CALN1: variants seen among roughly 807,000 people sequenced by gnomAD.
CALN1 encodes calcium-binding protein 8.
A neutral mutation model predicts 30.6 loss-of-function variants in CALN1; 17 were observed. The observed-to-expected ratio is 0.56, with a 90% CI of 0.38 to 0.83. The LOEUF (loss-of-function observed/expected upper bound fraction) is 0.83. Ranked by LOEUF, CALN1 falls within the 40% of genes least tolerant of loss-of-function variation. The pLI is 0.00. For missense variants in CALN1, 291 were observed against 354.9 expected (o/e 0.82, Z 1.45); for synonymous variants, 156 against 131.4 (o/e 1.19, Z -1.28).
intron 5 of CALN1, among the ~76,000 whole-genome samples, chr7:71,826,668 C>G (rs1189414419): frequency 1.3e-5 from 2 of 152,150 alleles, no homozygotes; most frequent in Non-Finnish European, 2.9e-5. Flanking sequence ...GCCTGCCCGG[C>G]ATCAGATGAA....
intron 2 of CALN1, among the ~76,000 whole-genome samples, chr7:72,316,392 A>C (rs985821484): frequency 5.9e-5 from 9 of 151,896 alleles, no homozygotes; most frequent in African/African-American, 2.2e-4. Flanking sequence ...TAACACAGAA[A>C]CATTCACAGG....
intron 4 of CALN1, among the ~76,000 whole-genome samples, chr7:72,068,722 C>T (rs1321628747): frequency 6.6e-6 from 1 of 152,256 alleles, no homozygotes; most frequent in South Asian, 2.1e-4. Context: ...AACTCCTGGC[C>T]TCAAGTGATC....
intron 3 of CALN1, among the ~76,000 whole-genome samples, chr7:72,276,432 A>C (rs1453274933): frequency 6.6e-6 from 1 of 152,208 alleles, no homozygotes; most frequent in African/African-American, 2.4e-5. Context: ...TGTCATTAAG[A>C]AGTGAGGTCT....
intron 3 of CALN1, among the ~76,000 whole-genome samples, chr7:72,132,474 G>C (rs10260420): frequency 0.24 from 36,197 of 151,978 alleles, 5,288 homozygotes; most frequent in East Asian, 0.67. Flanking sequence ...GGGACCATTT[G>C]AAGTTAGTTC....
At chr7:72,188,605 ACTG>A (rs1562709517) in intron 3 of CALN1, among the ~76,000 whole-genome samples, 2 of 152,160 alleles carry the variant, frequency 1.3e-5, no homozygotes, top group Admixed American at 6.5e-5. Flanking sequence ...TTCAGTGTAC[ACTG>A]CTCAGGTGAT....
the CALN1 span, among the ~76,000 whole-genome samples, chr7:72,475,419 A>G: frequency 6.6e-6 from 1 of 152,146 alleles, no homozygotes; most frequent in Non-Finnish European, 1.5e-5. Context: ...AGATCGCGCC[A>G]CTGCACTCCG....
chr7:72,134,908 G>C (rs1304329152), intron 3 of CALN1, among the ~76,000 whole-genome samples: 1 of 152,186 alleles, frequency 6.6e-6, no homozygotes, highest in Non-Finnish European at 1.5e-5. Flanking sequence ...ATTATGTAAA[G>C]AATATGCTGA....
intron 4 of CALN1, among the ~76,000 whole-genome samples, chr7:72,088,794 GAAGGAGGT>G (rs1474936571): frequency 6.6e-6 from 1 of 151,464 alleles, no homozygotes; most frequent in Non-Finnish European, 1.5e-5. Context: ...GGGAAGGAAG[GAAGGAGGT>G]TACGGCCCAA....
chr7:72,145,857 T>C (rs978026015), intron 3 of CALN1, among the ~76,000 whole-genome samples: 15 of 152,062 alleles, frequency 9.9e-5, no homozygotes, highest in African/African-American at 3.6e-4. Flanking sequence ...ATAAACAGAA[T>C]CAAGGACAAA....
At chr7:72,405,529 G>A (rs1249432456) in intron 1 of CALN1, among the ~76,000 whole-genome samples, 2 of 152,040 alleles carry the variant, frequency 1.3e-5, no homozygotes, top group Admixed American at 6.6e-5. Flanking sequence ...TCACACAGCT[G>A]CACACTCTGT....
At chr7:71,989,776 A>T (rs976870689) in intron 5 of CALN1, among the ~76,000 whole-genome samples, 3 of 152,222 alleles carry the variant, frequency 2.0e-5, no homozygotes, top group Non-Finnish European at 4.4e-5. Flanking sequence ...AATCACTGTT[A>T]GCAAACAAAG....
chr7:71,810,338 C>G lies in CALN1; in HGVS notation c.656G>C (p.Gly219Ala). 6.2e-7 allele frequency: 1 copy of G among 1,613,708 alleles called. No homozygotes were observed. The highest frequency in any genetic ancestry group is 8.5e-7 in the Non-Finnish European group (1 of 1,179,812). Residue 219 changes from glycine to alanine, a missense_variant and splice_region_variant, in exon 6 of 7, where the codon GGA (glycine) becomes GCA (alanine). Gly to Ala is a moderately conservative substitution (Grantham distance 60). Around this residue, in one of 2 missense-constraint regions of CALN1, gnomAD observed 169 missense variants for 251.7 expected, o/e 0.67. Transcript: ENST00000395275. ...GGGATGGCAGCAGGGGCACCTACCTCCTTCAAACTCTGTTTGGCAGTTCCC... is the reference window on the plus strand; with the variant it reads ...GGGATGGCAGCAGGGGCACCTACCTGCTTCAAACTCTGTTTGGCAGTTCCC... ...TSGNCQTEFE[G>A]VHSQKQNRQT...
intron 5 of CALN1, among the ~76,000 whole-genome samples, chr7:71,963,871 A>G (rs1797392384): frequency 6.6e-6 from 1 of 152,244 alleles, no homozygotes; most frequent in African/African-American, 2.4e-5. Flanking sequence ...TAAGTAACTC[A>G]TCTAACATAA....
At chr7:71,823,301 C>G (rs1034905472) in intron 5 of CALN1, among the ~76,000 whole-genome samples, 1 of 151,994 alleles carries the variant, frequency 6.6e-6, no homozygotes, top group Non-Finnish European at 1.5e-5. Flanking sequence ...TCCTGTGTAG[C>G]TGGGATTACA....
the CALN1 span, among the ~76,000 whole-genome samples, chr7:72,484,943 ATC>A: frequency 6.6e-6 from 1 of 151,864 alleles, no homozygotes; most frequent in Non-Finnish European, 1.5e-5. Context: ...GGGAAATCTG[ATC>A]TCTGTTCTTT....
intron 5 of CALN1, among the ~76,000 whole-genome samples, chr7:71,834,209 C>T (rs1789462201): frequency 9.5e-6 from 1 of 105,244 alleles, no homozygotes; most frequent in Non-Finnish European, 1.8e-5. Flanking sequence ...CAGAGCGAGA[C>T]TCCATCTCAA....
chr7:72,323,225 G>T (rs1801018440), intron 2 of CALN1, among the ~76,000 whole-genome samples: 1 of 152,078 alleles, frequency 6.6e-6, no homozygotes, highest in Non-Finnish European at 1.5e-5. Flanking sequence ...GGTGGGAAAG[G>T]CAGGAACCCA....
At chr7:72,052,756 C>A (rs555070655) in intron 4 of CALN1, among the ~76,000 whole-genome samples, 84 of 152,322 alleles carry the variant, frequency 5.5e-4, no homozygotes, top group African/African-American at 2.0e-3. Context: ...GTCTCAGTGA[C>A]CAGAGACAGG....
intron 3 of CALN1, among the ~76,000 whole-genome samples, chr7:72,258,023 C>T (rs1796024988): frequency 6.6e-6 from 1 of 152,064 alleles, no homozygotes; most frequent in African/African-American, 2.4e-5. Flanking sequence ...GTGCACTCTG[C>T]TTGGGTGATG....
Sources: gnomAD v4.1 joint callset for allele counts (sites outside exome capture counted in the v4.1 genomes callset) on GRCh38, gnomAD v4.1.1 for gene constraint, gnomAD v4.1.1 regional missense constraint, MANE v1.5 for transcripts, NCBI Gene and HGNC (gene_info 2026-07-23, HGNC 2026-07-21) for gene names.